The following NFIB variants were observed in gnomAD, a reference collection of about 807,000 sequenced individuals.
NFIB encodes nuclear factor 1 B-type.
A neutral mutation model predicts 61.5 loss-of-function variants in NFIB; 11 were observed. The observed-to-expected ratio is 0.18, with a 90% CI of 0.11 to 0.30. The LOEUF (loss-of-function observed/expected upper bound fraction) is 0.30. NFIB is among the 10% of genes least tolerant of loss of function. NFIB has a pLI of 1.00. For missense variants in NFIB, 471 were observed against 608.9 expected (o/e 0.77, Z 2.38); for synonymous variants, 260 against 216.5 (o/e 1.20, Z -1.76).
intron 6 of NFIB, among the ~76,000 whole-genome samples, chr9:14,136,400 G>C (rs1211592872): frequency 6.6e-6 from 1 of 152,064 alleles, no homozygotes; most frequent in Non-Finnish European, 1.5e-5. Flanking sequence ...CTTGGCTATG[G>C]AGTCTTATTA....
chr9:14,309,528 G>A (rs1012749928), intron 1 of NFIB, among the ~76,000 whole-genome samples: 7 of 152,216 alleles, frequency 4.6e-5, no homozygotes, highest in Non-Finnish European at 1.0e-4. Flanking sequence ...TTCCAGCAGA[G>A]ATTTGAACAA....
At chr9:14,115,425 T>G (rs2037979488) in intron 9 of NFIB, among the ~76,000 whole-genome samples, 1 of 152,190 alleles carries the variant, frequency 6.6e-6, no homozygotes, top group Non-Finnish European at 1.5e-5. Context: ...AAGCTGACAG[T>G]TGGGTGAAAC....
chr9:14,397,546 AG>A (rs1313116799), intron 1 of NFIB, among the ~76,000 whole-genome samples: 1 of 152,220 alleles, frequency 6.6e-6, no homozygotes, highest in African/African-American at 2.4e-5. Flanking sequence ...AAAAAGATTC[AG>A]AAATTATTCA....
intron 2 of NFIB, among the ~76,000 whole-genome samples, chr9:14,227,396 A>G (rs1456450973): frequency 2.0e-5 from 3 of 152,168 alleles, no homozygotes; most frequent in Non-Finnish European, 4.4e-5. Flanking sequence ...ACTCAAAACT[A>G]TCTGTTGAAT....
chr9:14,423,062 T>A, the NFIB span, among the ~76,000 whole-genome samples: 1 of 152,046 alleles, frequency 6.6e-6, no homozygotes, highest in African/African-American at 2.4e-5. Context: ...GACCCTTTTG[T>A]AAAAAAAAGT....
Position 14,156,091 on chromosome 9 carries a change from T to C in NFIB, c.617-198A>G, listed in dbSNP as rs140611677. ...AAAAATAAAAAGTTTAGATACCAAA[T>C]AATCTCTTAGGAAAATTTTTTCTTC... is the stretch of plus-strand genomic sequence containing the variant. On this transcript the variant is annotated intron_variant, in intron 3 of 10. Coordinates refer to ENST00000380953, the MANE Select transcript of NFIB (RefSeq NM_001190737.2). 3.1e-3 allele frequency among the ~76,000 whole-genome samples: 477 copies of C among 152,288 alleles called. 2 individuals are homozygous for C. Among genetic ancestry groups the C allele is most frequent in the Admixed American group, 5.2e-3 (79 of 15,306 alleles).
intron 1 of NFIB, among the ~76,000 whole-genome samples, chr9:14,349,118 G>C (rs1007986392): frequency 1.3e-5 from 2 of 152,218 alleles, no homozygotes; most frequent in African/African-American, 4.8e-5. Context: ...CGAGCAAACA[G>C]ATCTCTGTAT....
chr9:14,180,960 G>A (rs1323638444), intron 2 of NFIB, among the ~76,000 whole-genome samples: 1 of 152,174 alleles, frequency 6.6e-6, no homozygotes, highest in Non-Finnish European at 1.5e-5. Context: ...GCCATATACT[G>A]ACAAGTCTCT....
intron 3 of NFIB, among the ~76,000 whole-genome samples, chr9:14,176,252 T>C (rs1374441832): frequency 6.1e-5 from 4 of 65,308 alleles, no homozygotes; most frequent in Non-Finnish European, 1.6e-4. Context: ...AGGGATTAAC[T>C]TGTTAAAAAA....
chr9:14,273,900 A>G lies in NFIB; in HGVS notation c.562+33089T>C, dbSNP rs993346441. Among the ~76,000 whole-genome samples, 30 of 152,168 alleles carry G rather than the reference A, an allele frequency of 2.0e-4. 1 individual carries two copies. Among genetic ancestry groups the G allele is most frequent in the South Asian group, 1.9e-3 (9 of 4,822 alleles). ...TTTGGTGCCCCCGAAATTGTTCACTACAGTACAACATAATGTGACACTCAC... is the reference window on the plus strand; with the variant it reads ...TTTGGTGCCCCCGAAATTGTTCACTGCAGTACAACATAATGTGACACTCAC... On this transcript the variant is annotated intron_variant, in intron 2 of 10. Transcript: ENST00000380953.
intron 2 of NFIB, among the ~76,000 whole-genome samples, chr9:14,286,443 A>G (rs1233603434): frequency 6.6e-6 from 1 of 152,214 alleles, no homozygotes; most frequent in Non-Finnish European, 1.5e-5. Flanking sequence ...TACCATGTAC[A>G]CACTACAAAA....
At chr9:14,259,530 G>A (rs1239007633) in intron 2 of NFIB, among the ~76,000 whole-genome samples, 3 of 152,170 alleles carry the variant, frequency 2.0e-5, no homozygotes, top group Non-Finnish European at 4.4e-5. Context: ...ATAAGCATGG[G>A]CCCATGGGGC....
intron 2 of NFIB, among the ~76,000 whole-genome samples, chr9:14,260,224 A>G (rs2056619195): frequency 6.6e-6 from 1 of 152,150 alleles, no homozygotes; most frequent in Non-Finnish European, 1.5e-5. Context: ...ACTGAAGCTC[A>G]CTGGAGTTCT....
At chr9:14,119,517 G>A (rs2038637991) in intron 8 of NFIB, among the ~76,000 whole-genome samples, 1 of 103,096 alleles carries the variant, frequency 9.7e-6, no homozygotes, top group African/African-American at 7.1e-5. Flanking sequence ...ACCTTTCTTT[G>A]CTAATTTAAA....
intron 1 of NFIB, among the ~76,000 whole-genome samples, chr9:14,346,290 AC>A (rs67699489): frequency 0.041 from 3,619 of 88,352 alleles, 294 homozygotes; most frequent in African/African-American, 0.12. Flanking sequence ...GGTAACCGAC[AC>A]CCCCCCCCCG....
the NFIB span, among the ~76,000 whole-genome samples, chr9:14,531,042 A>G: frequency 6.6e-6 from 1 of 152,218 alleles, no homozygotes; most frequent in African/African-American, 2.4e-5. Flanking sequence ...ATTGCATACA[A>G]GAGACCATTG....
intron 10 of NFIB, among the ~76,000 whole-genome samples, chr9:14,097,649 TAC>T (rs1421023543): frequency 1.3e-5 from 2 of 151,930 alleles, no homozygotes; most frequent in African/African-American, 2.4e-5. Flanking sequence ...TATAGATGCA[TAC>T]ACACACAAAC....
chr9:14,404,359 G>A, the NFIB span, among the ~76,000 whole-genome samples: 1 of 152,110 alleles, frequency 6.6e-6, no homozygotes, highest in African/African-American at 2.4e-5. Flanking sequence ...GGGATGCTGT[G>A]GTGAGCAAGA....
In NFIB at chr9:14,147,674, C is replaced by T. The variant is rs1221271469; in HGVS notation, c.807-867G>A. 2.6e-5 allele frequency among the ~76,000 whole-genome samples: 3 copies of T among 115,932 alleles called. No homozygotes were observed. The Admixed American group carries it at 3.5e-4, about 14-fold the overall frequency. 76.1% of individuals were successfully genotyped at this position (115,932 alleles called of 152,430 possible). A position where few individuals can be genotyped will look rare whatever the true frequency, so the allele number is the denominator to read the frequency against. On this transcript the variant is annotated intron_variant, in intron 5 of 10. Coordinates refer to ENST00000380953, the MANE Select transcript of NFIB (RefSeq NM_001190737.2). ...TTTTTTTTTGAGACTGGGTCTCACT[C>T]TTTCACCTACGATGTAGTACACTGT...
Sources: allele counts gnomAD v4.1 joint callset (sites outside exome capture counted in the v4.1 genomes callset), GRCh38; gene constraint gnomAD v4.1.1; transcripts MANE v1.5; gene names NCBI Gene and HGNC (gene_info 2026-07-23, HGNC 2026-07-21).